FSD1L: variants seen among roughly 807,000 people sequenced by gnomAD.
FSD1L encodes the protein fibronectin type III and SPRY domain containing 1 like.
In FSD1L, 45 loss-of-function variants were observed where a neutral mutation model predicts 71.6. That is an observed-to-expected ratio of 0.63 (90% CI 0.49 to 0.81). The LOEUF is 0.81. FSD1L is among the 30% of genes least tolerant of loss of function. The probability of loss-of-function intolerance (pLI) is 0.00; values close to 1 mark genes in which losing one functional copy is unlikely to be tolerated. For missense variants in FSD1L, 561 were observed against 618.1 expected, an observed-to-expected ratio of 0.91 and a Z score of 0.98; for synonymous variants, 197 against 207.2, an observed-to-expected ratio of 0.95 and a Z score of 0.42.
chr9:105,479,814 G>GT (rs1416549143), intron 6 of FSD1L, among the ~76,000 whole-genome samples: 5 of 152,108 alleles, frequency 3.3e-5, no homozygotes, highest in African/African-American at 9.7e-5. Context: ...CTGCCCTCCT[G>GT]TTTAACACCT....
At chr9:105,456,104 C>T (rs188091082) in intron 1 of FSD1L, among the ~76,000 whole-genome samples, 18 of 152,270 alleles carry the variant, frequency 1.2e-4, no homozygotes, top group Non-Finnish European at 1.2e-4. Flanking sequence ...TGATCAGTTC[C>T]AGATTTCTAA....
rs189504818 is a variant in FSD1L at position 105,512,299 on chromosome 9, C to T, written c.896-508C>T. On this transcript the variant is annotated intron_variant, in intron 9 of 13. Coordinates refer to ENST00000481272, the MANE Select transcript of FSD1L (RefSeq NM_001145313.3). Reference sequence around the variant, plus strand: ...GGCCAGTTTCCTTGTTCTGCCATCACGGCCTCAGTTTCTCTATGTTTGCCT... The same window carrying T: ...GGCCAGTTTCCTTGTTCTGCCATCATGGCCTCAGTTTCTCTATGTTTGCCT... 3.7e-3 allele frequency among the ~76,000 whole-genome samples: 561 copies of T among 152,138 alleles called. 1 individual carries two copies. The highest frequency in any genetic ancestry group is 6.5e-3 in the Non-Finnish European group (445 of 67,948).
chr9:105,467,960 T>C (rs758908724), intron 3 of FSD1L, among the ~76,000 whole-genome samples: 5 of 152,240 alleles, frequency 3.3e-5, no homozygotes, highest in Non-Finnish European at 5.9e-5. Flanking sequence ...GGCTAGTCCA[T>C]AAAAGACAAC....
chr9:105,498,190 T>A (rs1018026498), intron 7 of FSD1L, among the ~76,000 whole-genome samples: 2 of 143,410 alleles, frequency 1.4e-5, no homozygotes, highest in Admixed American at 7.1e-5. Flanking sequence ...TTGCTTTGGC[T>A]TTATTATTAT....
intron 7 of FSD1L, among the ~76,000 whole-genome samples, chr9:105,486,841 C>G (rs1426117165): frequency 6.6e-6 from 1 of 152,014 alleles, no homozygotes; most frequent in Non-Finnish European, 1.5e-5. Flanking sequence ...TAAAGTAGCC[C>G]TCTCATCTCA....
chr9:105,550,976 T>C lies in FSD1L; in HGVS notation c.*4493T>C, dbSNP rs1023877768. The stretch of plus-strand genomic sequence containing the variant: ...ATGTAGAGCAGAAGGCACGTGAATG[T>C]GTTTGCTTTGGCTTGGAGCTTATTA... On this transcript the variant is annotated 3_prime_UTR_variant, in exon 14 of 14. Transcript: ENST00000481272. 5 of 152,118 alleles carry C rather than the reference T, an allele frequency of 3.3e-5. No homozygotes were observed. The highest frequency in any genetic ancestry group is 2.0e-4 in the Admixed American group (3 of 15,268). 9.4% of individuals were successfully genotyped at this position (152,118 alleles called of 1,614,324 possible).
At chr9:105,535,993 C>T (rs2131497680) in intron 12 of FSD1L, among the ~76,000 whole-genome samples, 1 of 152,214 alleles carries the variant, frequency 6.6e-6, no homozygotes. Flanking sequence ...AGGGGTTTCC[C>T]CTCAATATCA....
intron 10 of FSD1L, chr9:105,513,583 T>C (rs1834525050): frequency 3.9e-6 from 6 of 1,528,354 alleles, no homozygotes; most frequent in Non-Finnish European, 5.3e-6. Context: ...AACAGTTGCC[T>C]GTTTTTATCT....
At chr9:105,513,514 C>T in intron 10 of FSD1L, 1 of 1,113,638 alleles carries the variant, frequency 9.0e-7, no homozygotes, top group Non-Finnish European at 1.3e-6. Context: ...AATTCCTCAG[C>T]AGGCCTTTAA....
rs145492350 is a variant in FSD1L, at chr9:105,527,828, T to C, written c.1026-6665T>C. On this transcript the variant is annotated intron_variant, in intron 10 of 13. Transcript: ENST00000481272. ...GGCAAGAGAAAGAAATAAAGCGTAT[T>C]CAAATAGGAAGAGAGGAAGTCAAAT... Among the ~76,000 whole-genome samples, 1,398 of 152,262 alleles carry C rather than the reference T, an allele frequency of 9.2e-3. 21 individuals are homozygous for C. Among genetic ancestry groups the C allele is most frequent in the African/African-American group, 0.032 (1,339 of 41,550 alleles).
chr9:105,547,701 G>A lies in FSD1L; in HGVS notation c.*1218G>A, dbSNP rs536448756. ...TTGGGGTAAAACCCATGGTTATGTG[G>A]AACATAACTGTTCTTAAAAAGTCAA... On this transcript the variant is annotated 3_prime_UTR_variant, in exon 14 of 14. Transcript: ENST00000481272. 32 of 152,118 alleles carry A rather than the reference G, an allele frequency of 2.1e-4. No homozygotes were observed. Among genetic ancestry groups the A allele is most frequent in the Non-Finnish European group, 3.8e-4 (26 of 67,952 alleles). The allele number at this position is 152,118 out of a possible 1,614,324, so 9.4% of individuals were successfully genotyped here.
At chr9:105,490,467 C>G (rs867629160) in intron 7 of FSD1L, among the ~76,000 whole-genome samples, 2 of 151,988 alleles carry the variant, frequency 1.3e-5, no homozygotes, top group Admixed American at 6.6e-5. Flanking sequence ...CCTGTTCACT[C>G]TGATGGTAGT....
At chr9:105,483,092 G>A (rs1201364604) in intron 6 of FSD1L, among the ~76,000 whole-genome samples, 1 of 152,174 alleles carries the variant, frequency 6.6e-6, no homozygotes, top group African/African-American at 2.4e-5. Context: ...ACGGGTTAGT[G>A]TAGTATGCAT....
In FSD1L at chr9:105,452,669, G is replaced by GCCTGCCTTCCTTCCTT. The variant is rs1191519308; in HGVS notation, c.15+4437_15+4438insGCCTTCCTTCCTTCCT. On this transcript the variant is annotated intron_variant, in intron 1 of 13. Coordinates refer to ENST00000481272, the MANE Select transcript of FSD1L (RefSeq NM_001145313.3). ...TGCCTGCCTGCCTGCCTGCCTGCCT[G>GCCTGCCTTCCTTCCTT]CCTTCCTTCCTTCCTTCCTTCCTTC... Among the ~76,000 whole-genome samples, 688 of 96,126 alleles carry GCCTGCCTTCCTTCCTT rather than the reference G, an allele frequency of 7.2e-3. 6 individuals are homozygous for GCCTGCCTTCCTTCCTT. The highest frequency in any genetic ancestry group is 0.013 in the African/African-American group (315 of 23,528). 63.1% of individuals were successfully genotyped at this position (96,126 alleles called of 152,430 possible). A position where few individuals can be genotyped will look rare whatever the true frequency, so the allele number is the denominator to read the frequency against.
rs1301887961 is a variant in FSD1L at position 105,547,350 on chromosome 9, G to C, written c.*867G>C. 6.6e-6 allele frequency: 1 copy of C among 152,264 alleles called. No homozygotes were observed. Among genetic ancestry groups the C allele is most frequent in the Non-Finnish European group, 1.5e-5 (1 of 67,878 alleles). The allele number at this position is 152,264 out of a possible 1,614,324, so 9.4% of individuals were successfully genotyped here. A position where few individuals can be genotyped will look rare whatever the true frequency, so the allele number is the denominator to read the frequency against. On this transcript the variant is annotated 3_prime_UTR_variant, in exon 14 of 14. Coordinates refer to ENST00000481272, the MANE Select transcript of FSD1L (RefSeq NM_001145313.3). Reference sequence around the variant, plus strand: ...CTGATAATAATTATGCTGATTTTTAGCATCTCTTATAGGAATCAAAGTTTA... The same window carrying C: ...CTGATAATAATTATGCTGATTTTTACCATCTCTTATAGGAATCAAAGTTTA...
At chr9:105,461,761 C>T in intron 2 of FSD1L, 146 bp downstream of exon 2, 1 of 562,688 alleles carries the variant, frequency 1.8e-6, no homozygotes, top group Non-Finnish European at 3.1e-6. Context: ...TGCCTGTAAT[C>T]CCAACACTTT....
chr9:105,496,056 TC>T (rs1439452593), intron 7 of FSD1L, among the ~76,000 whole-genome samples: 2 of 152,122 alleles, frequency 1.3e-5, no homozygotes, highest in Non-Finnish European at 2.9e-5. Context: ...TGGCTTTTTT[TC>T]CCCTTGACGA....
At chr9:105,530,475 C>T in intron 10 of FSD1L, 1 of 592,522 alleles carries the variant, frequency 1.7e-6, no homozygotes, top group Non-Finnish European at 3.0e-6. Flanking sequence ...TTCTTTTCTC[C>T]ATGCTTCCCT....
intron 10 of FSD1L, among the ~76,000 whole-genome samples, chr9:105,518,547 G>C (rs945104257): frequency 2.6e-5 from 4 of 152,186 alleles, no homozygotes; most frequent in Admixed American, 6.5e-5. Context: ...TGAACAACCT[G>C]CTCCTGAATG....
Sources: allele counts gnomAD v4.1 joint callset (sites outside exome capture counted in the v4.1 genomes callset), GRCh38; gene constraint gnomAD v4.1.1; transcripts MANE v1.5; gene names NCBI Gene and HGNC (gene_info 2026-07-23, HGNC 2026-07-21).